ARHGAP42: variants seen among roughly 807,000 people sequenced by gnomAD.
ARHGAP42 encodes the protein rho GTPase-activating protein 42.
A neutral mutation model predicts 125.0 loss-of-function variants in ARHGAP42; 63 were observed. That is an observed-to-expected ratio of 0.50 (90% CI 0.41 to 0.62). The LOEUF (loss-of-function observed/expected upper bound fraction) is 0.62. Ranked by LOEUF, ARHGAP42 falls within the 20% of genes least tolerant of loss-of-function variation. ARHGAP42 has a pLI of 0.00. For missense variants in ARHGAP42, 766 were observed against 1,024.2 expected, an observed-to-expected ratio of 0.75 and a Z score of 3.44; for synonymous variants, 339 against 351.0, an observed-to-expected ratio of 0.97 and a Z score of 0.38.
chr11:100,962,761 A>G (rs1857988075), intron 16 of ARHGAP42, among the ~76,000 whole-genome samples: 1 of 152,120 alleles, frequency 6.6e-6, no homozygotes, highest in Non-Finnish European at 1.5e-5. Flanking sequence ...CTGTAATCCC[A>G]GCTGCTCGGG....
intron 11 of ARHGAP42, among the ~76,000 whole-genome samples, chr11:100,948,945 A>G (rs1019397199): frequency 6.6e-6 from 1 of 152,108 alleles, no homozygotes; most frequent in Non-Finnish European, 1.5e-5. Flanking sequence ...ATTTTTAAAA[A>G]GTATAACTTA....
At chr11:100,958,158 A>G (rs1857854206) in intron 12 of ARHGAP42, among the ~76,000 whole-genome samples, 1 of 152,050 alleles carries the variant, frequency 6.6e-6, no homozygotes, top group Admixed American at 6.6e-5. Context: ...TGAAAATTAA[A>G]TGATTCCTCA....
chr11:100,795,883 C>T (rs904310698), intron 3 of ARHGAP42, among the ~76,000 whole-genome samples: 1 of 152,142 alleles, frequency 6.6e-6, no homozygotes. Flanking sequence ...GATAACGATG[C>T]TGATAGTCAG....
chr11:100,706,364 T>A (rs1297950574), intron 1 of ARHGAP42, among the ~76,000 whole-genome samples: 1 of 152,230 alleles, frequency 6.6e-6, no homozygotes, highest in Non-Finnish European at 1.5e-5. Flanking sequence ...TTACAGGAAG[T>A]TGTGTCAGAC....
Position 100,974,575 on chromosome 11 carries a change from G to A in ARHGAP42, c.1827G>A (p.Arg609=), listed in dbSNP as rs562627627. ...LSTGSRKPRG[R]YTPCLAEPDS... is the part of the protein sequence containing the mutation. ...CAGGGTCTAGGAAGCCCAGAGGGAG[G>A]TATACTCCATGCCTGGCCGAACCTG... is the stretch of plus-strand genomic sequence containing the variant. The change falls in exon 19 of 24, where the codon AGG becomes AGA. Residue 609 remains arginine, a synonymous_variant. Transcript: ENST00000298815. 6.4e-7 allele frequency: 1 copy of A among 1,550,986 alleles called. No homozygotes were observed. The highest frequency in any genetic ancestry group is 2.4e-5 in the East Asian group (1 of 40,894).
chr11:100,963,777 T>A (rs903826285), intron 16 of ARHGAP42, among the ~76,000 whole-genome samples: 2 of 152,192 alleles, frequency 1.3e-5, no homozygotes, highest in Non-Finnish European at 1.5e-5. Context: ...GCAAGTAACA[T>A]GTACAATGAC....
At chr11:100,970,234 C>G (rs1865394785) in intron 17 of ARHGAP42, among the ~76,000 whole-genome samples, 1 of 152,116 alleles carries the variant, frequency 6.6e-6, no homozygotes, top group Non-Finnish European at 1.5e-5. Flanking sequence ...GGTGATCCAC[C>G]CGCCTTGGCC....
intron 6 of ARHGAP42, among the ~76,000 whole-genome samples, chr11:100,932,182 G>C (rs1591303957): frequency 6.6e-6 from 1 of 152,136 alleles, no homozygotes; most frequent in Admixed American, 6.6e-5. Context: ...TTGATGCTTA[G>C]CTGAATCCTC....
intron 1 of ARHGAP42, among the ~76,000 whole-genome samples, chr11:100,701,194 A>G (rs960778211): frequency 2.0e-5 from 3 of 151,400 alleles, no homozygotes; most frequent in Non-Finnish European, 4.4e-5. Context: ...ACAGCGGATT[A>G]AAATATTCAG....
intron 4 of ARHGAP42, among the ~76,000 whole-genome samples, chr11:100,878,445 C>G (rs772251630): frequency 2.6e-5 from 4 of 152,166 alleles, no homozygotes; most frequent in Non-Finnish European, 5.9e-5. Context: ...GTACCCTTAC[C>G]AATCAAACTG....
intron 1 of ARHGAP42, among the ~76,000 whole-genome samples, chr11:100,740,987 G>A (rs1365396441): frequency 1.3e-5 from 2 of 152,110 alleles, no homozygotes; most frequent in African/African-American, 4.8e-5. Flanking sequence ...TGACTGTAAG[G>A]CTCCTTTGCA....
intron 11 of ARHGAP42, among the ~76,000 whole-genome samples, chr11:100,949,191 T>C (rs1333200479): frequency 1.3e-5 from 2 of 152,008 alleles, no homozygotes; most frequent in Non-Finnish European, 2.9e-5. Flanking sequence ...ATTCTTTAGA[T>C]GGCAAAGAAC....
At chr11:100,864,868 C>T (rs142781750) in intron 4 of ARHGAP42, among the ~76,000 whole-genome samples, 25 of 152,092 alleles carry the variant, frequency 1.6e-4, no homozygotes, top group African/African-American at 6.0e-4. Context: ...TTTGAAATAC[C>T]CCTTGATGTC....
At chr11:100,935,691 G>C (rs1425386026) in intron 7 of ARHGAP42, among the ~76,000 whole-genome samples, 1 of 151,762 alleles carries the variant, frequency 6.6e-6, no homozygotes, top group African/African-American at 2.4e-5. Flanking sequence ...GAGAGAGAGA[G>C]AGAGATTCAA....
chr11:100,724,647 G>T (rs1861823752), intron 1 of ARHGAP42, among the ~76,000 whole-genome samples: 1 of 151,472 alleles, frequency 6.6e-6, no homozygotes. Context: ...AGGGGGATTA[G>T]TAGTGATAAC....
At position 100,913,583 on chromosome 11, in the gene ARHGAP42, A is replaced by C. The variant is rs931223956; in HGVS notation, c.486+30A>C. On this transcript the variant is annotated intron_variant, in intron 5 of 23. Transcript: ENST00000298815. ...GCTTTTCCAACTGAAATAATGGAAA[A>C]GGCATTAAGTCATATAAAGTCAAAA... 4.2e-6 allele frequency: 5 copies of C among 1,187,776 alleles called. No homozygotes were observed. In the Admixed American group the frequency reaches 1.5e-4, roughly 34 times the overall value. The allele number at this position is 1,187,776 out of a possible 1,614,324, so 73.6% of individuals were successfully genotyped here.
At chr11:100,976,753 C>A (rs2277274) in intron 20 of ARHGAP42, 62 bp from the exon 21 acceptor site, 1 of 1,524,496 alleles carries the variant, frequency 6.6e-7, no homozygotes, top group African/African-American at 1.4e-5. Flanking sequence ...TGCACATGTA[C>A]GTGTTATTGC....
chr11:100,868,525 A>G (rs1865628053), intron 4 of ARHGAP42, among the ~76,000 whole-genome samples: 2 of 152,212 alleles, frequency 1.3e-5, no homozygotes, highest in African/African-American at 4.8e-5. Flanking sequence ...AATCAAATGG[A>G]CCAAGGTAAT....
intron 3 of ARHGAP42, among the ~76,000 whole-genome samples, chr11:100,802,427 T>TC (rs140258248): frequency 0.16 from 23,372 of 146,108 alleles, 1,903 homozygotes; most frequent in Middle Eastern, 0.22. Context: ...TTTCTTTCTT[T>TC]TTTTTTTTTT....
Sources: gnomAD v4.1 joint callset for allele counts (sites outside exome capture counted in the v4.1 genomes callset) on GRCh38, gnomAD v4.1.1 for gene constraint, MANE v1.5 for transcripts, NCBI Gene and HGNC (gene_info 2026-07-23, HGNC 2026-07-21) for gene names.